SLC16A6: variants seen among roughly 807,000 people sequenced by gnomAD.
SLC16A6 encodes monocarboxylate transporter 7.
SLC16A6 carries 15 observed loss-of-function variants against 33.8 expected under a neutral mutation model. The ratio of observed to expected loss-of-function variants is 0.44; its 90% confidence interval spans 0.30 to 0.68. The LOEUF is 0.68. SLC16A6 is among the 30% of genes least tolerant of loss of function. The pLI is 0.10. For missense variants in SLC16A6, 451 were observed against 661.5 expected (o/e 0.68, Z 3.49); for synonymous variants, 219 against 248.4 (o/e 0.88, Z 1.11).
chr17:68,278,019 C>A, intron 2 of SLC16A6, 70 bp downstream of exon 2: 1 of 1,022,636 alleles, frequency 9.8e-7, no homozygotes, highest in South Asian at 1.4e-5. Context: ...ACATCGACTA[C>A]CATTACCAAG....
chr17:68,277,419 C>A (rs184704363), intron 2 of SLC16A6, among the ~76,000 whole-genome samples: 1 of 151,402 alleles, frequency 6.6e-6, no homozygotes, highest in South Asian at 2.1e-4. Flanking sequence ...CGTGAGCCAC[C>A]GCGCCCGGCC....
rs782197730 is a variant in SLC16A6, at chr17:68,271,083, A to C, written c.1077T>G (p.Ile359Met). 37 of 1,614,202 alleles carry C rather than the reference A, an allele frequency of 2.3e-5. No individual in the cohort carries two copies. The highest frequency in any genetic ancestry group is 3.0e-5 in the Non-Finnish European group (35 of 1,180,042). ...AGATGACGCAGATGAGCTCAATGTA[A>C]ATCTTACGAATGGGCTCCCTGTTGA... is the stretch of plus-strand genomic sequence containing the variant. Reference protein sequence around the residue: ...FVLNREPIRKIYIELICVILL... With the variant: ...FVLNREPIRKMYIELICVILL... The change falls in exon 5 of 6, where the codon ATT becomes ATG. Residue 359 changes from isoleucine to methionine, a missense_variant. Ile to Met is a conservative substitution (Grantham distance 10). This residue lies in a region of SLC16A6 where 405 missense variants were observed against 510.7 expected (regional missense o/e 0.79). Transcript: ENST00000580666. This position sits in a 1 kb window ranked among gnomAD's most constrained non-coding sequence, Gnocchi z 5.3.
chr17:68,287,437 CGT>C (rs1462022809), intron 1 of SLC16A6, among the ~76,000 whole-genome samples: 1 of 151,932 alleles, frequency 6.6e-6, no homozygotes, highest in African/African-American at 2.4e-5. Flanking sequence ...TAGTATTAAA[CGT>C]GTGAGCCACC....
At chr17:68,288,230 G>A (rs1555754843) in intron 1 of SLC16A6, among the ~76,000 whole-genome samples, 1 of 151,848 alleles carries the variant, frequency 6.6e-6, no homozygotes. Flanking sequence ...TCAAACTCCT[G>A]ACCTTGTGAT....
At chr17:68,280,743 A>C (rs76410023) in intron 1 of SLC16A6, among the ~76,000 whole-genome samples, 2,463 of 152,320 alleles carry the variant, frequency 0.016, 67 homozygotes, top group African/African-American at 0.056. Flanking sequence ...ATTTTTATGG[A>C]TAAGACTGGA....
intron 2 of SLC16A6, among the ~76,000 whole-genome samples, chr17:68,275,294 G>A (rs1367357057): frequency 4.6e-5 from 7 of 152,284 alleles, no homozygotes; most frequent in Middle Eastern, 3.4e-3. Context: ...GCCATTGAGA[G>A]TTGGGTCAAG....
Position 68,270,799 on chromosome 17 carries a change from G to A in SLC16A6, c.1321+40C>T, listed in dbSNP as rs1171780181. Reference sequence around the variant, plus strand: ...CAGGAAGCTAGCACAATTCACAAGGGAAAGTAGACAAGTGTTTGTATTTTG... The same window carrying A: ...CAGGAAGCTAGCACAATTCACAAGGAAAAGTAGACAAGTGTTTGTATTTTG... On this transcript the variant is annotated intron_variant, in intron 5 of 5. Coordinates refer to ENST00000580666, the MANE Select transcript of SLC16A6 (RefSeq NM_004694.5). The A allele has an allele frequency of 8.6e-6, 13 of 1,507,318 alleles. No individual in the cohort carries two copies. The South Asian group carries it at 1.2e-4, about 13-fold the overall frequency. The allele number at this position is 1,507,318 out of a possible 1,614,324, so 93.4% of individuals were successfully genotyped here.
chr17:68,281,116 ACT>A (rs1457779458), intron 1 of SLC16A6, among the ~76,000 whole-genome samples: 3 of 144,330 alleles, frequency 2.1e-5, no homozygotes, highest in East Asian at 4.1e-4. Context: ...ACAGAAGGAG[ACT>A]CTGCCTCCAA....
chr17:68,269,018 T>C lies in SLC16A6; in HGVS notation c.*78A>G. ...AAAGTGGAGTAGAGGGGTTAGCTCC[T>C]CTGCCTCCTTGTGTCCCCGTTGGGC... is the stretch of plus-strand genomic sequence containing the variant. On this transcript the variant is annotated 3_prime_UTR_variant, in exon 6 of 6. Transcript: ENST00000580666. The C allele has an allele frequency of 6.3e-7, 1 of 1,585,098 alleles. No homozygotes were observed. Among genetic ancestry groups the C allele is most frequent in the Non-Finnish European group, 8.6e-7 (1 of 1,166,314 alleles).
rs1741472019 is a variant in SLC16A6, at chr17:68,278,155, A to T, written c.166T>A (p.Phe56Ile). 6.2e-7 allele frequency: 1 copy of T among 1,614,178 alleles called. No individual in the cohort carries two copies. The highest frequency in any genetic ancestry group is 8.5e-7 in the Non-Finnish European group (1 of 1,180,012). The change falls in exon 2 of 6, where the codon TTT (phenylalanine) becomes ATT (isoleucine). Residue 56 changes from phenylalanine to isoleucine, a missense_variant. Coordinates refer to ENST00000580666, the MANE Select transcript of SLC16A6 (RefSeq NM_004694.5). Reference sequence around the variant, plus strand: ...GAGATCCTGCTATTGGATTCATTAAAACTGTCCATTAAGTCATTAAAGAAG... The same window carrying T: ...GAGATCCTGCTATTGGATTCATTAATACTGTCCATTAAGTCATTAAAGAAG... ...GVFFNDLMDSFNESNSRISWI... is the reference protein window; with the variant it reads ...GVFFNDLMDSINESNSRISWI...
intron 1 of SLC16A6, among the ~76,000 whole-genome samples, chr17:68,289,606 A>G (rs2075922449): frequency 6.6e-6 from 1 of 152,230 alleles, no homozygotes; most frequent in Admixed American, 6.5e-5. Flanking sequence ...TGTCAAAACC[A>G]GTCTGTATTT....
intron 1 of SLC16A6, among the ~76,000 whole-genome samples, chr17:68,283,501 A>G (rs2075764393): frequency 6.8e-6 from 1 of 146,596 alleles, no homozygotes. Context: ...AGCCTGGGCG[A>G]CAGAGTGAGA....
chr17:68,287,295 G>A (rs906472520), intron 1 of SLC16A6, among the ~76,000 whole-genome samples: 5 of 151,946 alleles, frequency 3.3e-5, no homozygotes, highest in East Asian at 1.9e-4. Flanking sequence ...GGGATTACAC[G>A]CGTGAGCCAG....
rs1406385416 is a variant in SLC16A6 at position 68,284,371 on chromosome 17, G to A, written c.-7-6044C>T. On this transcript the variant is annotated intron_variant, in intron 1 of 5. Transcript: ENST00000580666. ...ATCGTGCCACTGCACTCCAGTCTGG[G>A]TGACAGAGCAAGACTCTGTCTAAAA... Among the ~76,000 whole-genome samples the A allele has an allele frequency of 1.3e-5, 2 of 152,254 alleles. 1 individual carries two copies. The highest frequency in any genetic ancestry group is 1.3e-4 in the Admixed American group (2 of 15,284).
chr17:68,285,174 G>C (rs1555754000), intron 1 of SLC16A6, among the ~76,000 whole-genome samples: 1 of 152,196 alleles, frequency 6.6e-6, no homozygotes, highest in African/African-American at 2.4e-5. Flanking sequence ...TTTCTGACAA[G>C]CAGTCAGGAC....
chr17:68,268,579 G>A lies in SLC16A6; in HGVS notation c.*517C>T, dbSNP rs2075224010. On this transcript the variant is annotated 3_prime_UTR_variant, in exon 6 of 6. Transcript: ENST00000580666. The stretch of plus-strand genomic sequence containing the variant: ...ACAAAAACTATTTATTCATATTTCT[G>A]AAAATTAGGAATTTTAAAAATGATT... The A allele has an allele frequency of 6.6e-6, 1 of 151,760 alleles. No individual in the cohort carries two copies. Among genetic ancestry groups the A allele is most frequent in the African/African-American group, 2.4e-5 (1 of 41,230 alleles). The allele number at this position is 151,760 out of a possible 1,614,324, so 9.4% of individuals were successfully genotyped here.
In SLC16A6 at chr17:68,270,000, A is replaced by G. The variant is rs2075284674; in HGVS notation, c.1322-654T>C. Among the ~76,000 whole-genome samples the G allele has an allele frequency of 3.9e-5, 6 of 152,236 alleles. No individual in the cohort carries two copies. The South Asian group carries it at 1.2e-3, about 32-fold the overall frequency. ...TTTTAGGTATCTTTTGACAGGGGGT[A>G]CGATTTCTAATCACAAACACTTTAA... is the stretch of plus-strand genomic sequence containing the variant. On this transcript the variant is annotated intron_variant, in intron 5 of 5. Coordinates refer to ENST00000580666, the MANE Select transcript of SLC16A6 (RefSeq NM_004694.5).
At chr17:68,282,042 A>G (rs1444595017) in intron 1 of SLC16A6, among the ~76,000 whole-genome samples, 2 of 152,232 alleles carry the variant, frequency 1.3e-5, no homozygotes, top group African/African-American at 4.8e-5. Flanking sequence ...CTATAAAGAC[A>G]CATGCACACG....
chr17:68,287,770 C>G (rs138758387), intron 1 of SLC16A6, among the ~76,000 whole-genome samples: 1 of 152,220 alleles, frequency 6.6e-6, no homozygotes, highest in East Asian at 1.9e-4. Context: ...AAAGTAATAA[C>G]AGGATAACCT....
Sources: gnomAD v4.1 joint callset for allele counts (sites outside exome capture counted in the v4.1 genomes callset) on GRCh38, gnomAD v4.1.1 for gene constraint, gnomAD v4.1.1 regional missense constraint, Gnocchi (gnomAD v3.1) non-coding constraint, MANE v1.5 for transcripts, NCBI Gene and HGNC (gene_info 2026-07-23, HGNC 2026-07-21) for gene names.